The following SCYL3 variants were observed in gnomAD, a reference collection of about 807,000 sequenced individuals.
The protein encoded by SCYL3 is protein-associating with the carboxyl-terminal domain of ezrin.
Under a neutral mutation model 73.8 loss-of-function variants are expected in SCYL3, and 35 were observed. That is an observed-to-expected ratio of 0.47 (90% CI 0.36 to 0.63). The LOEUF is 0.63. Ranked by LOEUF, SCYL3 falls within the 20% of genes least tolerant of loss-of-function variation. The pLI is 0.00. For missense variants in SCYL3, 712 were observed against 798.9 expected, an observed-to-expected ratio of 0.89 and a Z score of 1.31; for synonymous variants, 277 against 295.2, an observed-to-expected ratio of 0.94 and a Z score of 0.63.
intron 11 of SCYL3, among the ~76,000 whole-genome samples, chr1:169,857,844 A>G (rs922769053): frequency 7.2e-5 from 11 of 152,236 alleles, no homozygotes; most frequent in African/African-American, 2.7e-4. Flanking sequence ...CACCTAGGCT[A>G]TAAACTGATA....
Position 169,851,588 on chromosome 1 carries a change from T to TATCA in SCYL3, c.*2121_*2124dup, listed in dbSNP as rs1658344808. ...GCTTATACAGTAAAGGTTAGCAGAC[T>TATCA]ATCATTTTTTCCTGCAAAGACAACT... is the stretch of plus-strand genomic sequence containing the variant. On this transcript the variant is annotated 3_prime_UTR_variant, in exon 13 of 13. Coordinates refer to ENST00000367771, the MANE Select transcript of SCYL3 (RefSeq NM_020423.7). 1 of 556,718 alleles carries TATCA rather than the reference T, an allele frequency of 1.8e-6. No individual in the cohort carries two copies. The highest frequency in any genetic ancestry group is 3.1e-6 in the Non-Finnish European group (1 of 320,206). 34.5% of individuals were successfully genotyped at this position (556,718 alleles called of 1,614,324 possible). A position where few individuals can be genotyped will look rare whatever the true frequency, so the allele number is the denominator to read the frequency against.
At position 169,891,739 on chromosome 1, in the gene SCYL3, G is replaced by A. The variant is rs1189554971; in HGVS notation, c.-51+2049C>T. Among the ~76,000 whole-genome samples, 3 of 152,238 alleles carry A rather than the reference G, an allele frequency of 2.0e-5. No homozygotes were observed. In the South Asian group the frequency reaches 6.2e-4, roughly 32 times the overall value. On this transcript the variant is annotated intron_variant, in intron 1 of 12. Transcript: ENST00000367771. ...GATAAGACTGCCACCAGGATTCAGG[G>A]TCAGTGCTCTGGCTGATGAATGGCA...
intron 1 of SCYL3, among the ~76,000 whole-genome samples, chr1:169,889,260 T>A (rs1661891923): frequency 6.6e-6 from 1 of 152,072 alleles, no homozygotes; most frequent in Admixed American, 6.5e-5. Context: ...TCAAAAACAA[T>A]AAAACTTCTG....
intron 11 of SCYL3, among the ~76,000 whole-genome samples, chr1:169,857,918 A>T (rs1659316528): frequency 6.6e-6 from 1 of 152,204 alleles, no homozygotes; most frequent in Admixed American, 6.5e-5. Context: ...TTGAGTGTCC[A>T]AACATAGAAA....
chr1:169,893,759 T>G (rs1433317714), intron 1 of SCYL3, 29 bp downstream of exon 1: 2 of 152,076 alleles, frequency 1.3e-5, no homozygotes, highest in Non-Finnish European at 2.9e-5. Flanking sequence ...CTGCAAGGAC[T>G]GGGGGCGCAG....
chr1:169,861,936 C>T (rs1004405598), intron 10 of SCYL3, among the ~76,000 whole-genome samples: 1 of 152,090 alleles, frequency 6.6e-6, no homozygotes, highest in Non-Finnish European at 1.5e-5. Flanking sequence ...CACGTGACAA[C>T]AGAAGCAGAG....
chr1:169,864,164 G>C (rs1282039354), intron 9 of SCYL3, among the ~76,000 whole-genome samples: 3 of 152,064 alleles, frequency 2.0e-5, no homozygotes, highest in Non-Finnish European at 2.9e-5. Context: ...ATAGTAAATT[G>C]GACTCTCTAG....
intron 4 of SCYL3, 33 bp downstream of exon 4, chr1:169,875,945 C>A (rs1660767801): frequency 6.9e-7 from 1 of 1,447,720 alleles, no homozygotes; most frequent in South Asian, 1.2e-5. Flanking sequence ...TATTAAAAAC[C>A]AAGTAAGGAA....
At chr1:169,877,893 C>A (rs970440159) in intron 3 of SCYL3, among the ~76,000 whole-genome samples, 1 of 152,084 alleles carries the variant, frequency 6.6e-6, no homozygotes, top group Non-Finnish European at 1.5e-5. Context: ...GAATCTGTCT[C>A]CAATTAATTG....
At chr1:169,887,427 G>GA (rs901811894) in intron 2 of SCYL3, among the ~76,000 whole-genome samples, 42 of 151,650 alleles carry the variant, frequency 2.8e-4, no homozygotes, top group African/African-American at 9.9e-4. Flanking sequence ...ATCTTATAAA[G>GA]AAAAAAATAC....
intron 11 of SCYL3, chr1:169,856,099 A>G (rs1404075104): frequency 2.3e-5 from 17 of 748,682 alleles, no homozygotes; most frequent in Non-Finnish European, 3.2e-5. Context: ...AACATCTTCA[A>G]ACATTTGAAG....
chr1:169,859,177 AATGGAATCGCT>A lies in SCYL3; in HGVS notation c.1165_1175del (p.Ser389CysfsTer7). 1 of 1,613,362 alleles carries A rather than the reference AATGGAATCGCT, an allele frequency of 6.2e-7. No homozygotes were observed. Among genetic ancestry groups the A allele is most frequent in the Non-Finnish European group, 8.5e-7 (1 of 1,179,802 alleles). Reference sequence around the variant, plus strand: ...CTAGGCTATGCAGAGTAATTGCCACAATGGAATCGCTAGTATCACGCAGGCCCAGCAAAACC... The same window carrying A: ...CTAGGCTATGCAGAGTAATTGCCACAAGTATCACGCAGGCCCAGCAAAACC... On this transcript the variant is annotated frameshift_variant, in exon 11 of 13. Transcript: ENST00000367771. LOFTEE classifies it high-confidence loss of function.
intron 1 of SCYL3, among the ~76,000 whole-genome samples, chr1:169,892,539 T>A (rs1372196930): frequency 6.6e-6 from 1 of 152,274 alleles, no homozygotes; most frequent in Non-Finnish European, 1.5e-5. Context: ...AAAATCTTGC[T>A]CATTAGCTTT....
intron 2 of SCYL3, among the ~76,000 whole-genome samples, chr1:169,885,301 A>T (rs565387493): frequency 3.9e-5 from 6 of 152,278 alleles, no homozygotes; most frequent in Admixed American, 3.3e-4. Context: ...CTTTATCAGG[A>T]ATCAGTTATG....
At chr1:169,870,394 G>C (rs373548529) in intron 5 of SCYL3, 37 bp from the exon 6 acceptor site, 1 of 1,381,478 alleles carries the variant, frequency 7.2e-7, no homozygotes, top group South Asian at 1.2e-5. Context: ...TAGAGGATCT[G>C]CCTTATAAGC....
Position 169,884,149 on chromosome 1 carries a change from A to C in SCYL3, c.165+4527T>G, listed in dbSNP as rs964992513. ...CGAGTTAATTCAATAAAAAATAATT[A>C]AGAAAATATTGAAGAAAAAATTTCT... On this transcript the variant is annotated intron_variant, in intron 2 of 12. Transcript: ENST00000367771. Among the ~76,000 whole-genome samples, 162 of 152,376 alleles carry C rather than the reference A, an allele frequency of 1.1e-3. 1 individual carries two copies. The highest frequency in any genetic ancestry group is 2.8e-4 in the Non-Finnish European group (19 of 68,042).
chr1:169,856,326 A>G (rs185284574), intron 11 of SCYL3, among the ~76,000 whole-genome samples: 2 of 152,244 alleles, frequency 1.3e-5, no homozygotes, highest in Non-Finnish European at 2.9e-5. Context: ...GAGTATAAGC[A>G]TAAGAATATG....
intron 6 of SCYL3, among the ~76,000 whole-genome samples, chr1:169,869,725 GAGAACAC>G (rs1218871242): frequency 2.7e-4 from 41 of 152,306 alleles, no homozygotes; most frequent in African/African-American, 9.6e-4. Context: ...CATGCAGTTA[GAGAACAC>G]AGAAGAGAGG....
At chr1:169,876,611 A>C (rs1435114154) in intron 3 of SCYL3, among the ~76,000 whole-genome samples, 2 of 152,194 alleles carry the variant, frequency 1.3e-5, no homozygotes, top group Non-Finnish European at 2.9e-5. Flanking sequence ...AGGCATTAAA[A>C]AAATTCTGCC....
Sources: allele counts gnomAD v4.1 joint callset (sites outside exome capture counted in the v4.1 genomes callset), GRCh38; gene constraint gnomAD v4.1.1; transcripts MANE v1.5; gene names NCBI Gene and HGNC (gene_info 2026-07-23, HGNC 2026-07-21).